The following RABEP1 variants were observed in gnomAD, a reference collection of about 807,000 sequenced individuals.
RABEP1 encodes rab GTPase-binding effector protein 1.
RABEP1 carries 51 observed loss-of-function variants against 123.4 expected under a neutral mutation model. That is an observed-to-expected ratio of 0.41 (90% CI 0.33 to 0.52). RABEP1 has a LOEUF of 0.52. Among genes scored for constraint, RABEP1 ranks in the 20% least tolerant of loss-of-function variants. The pLI is 0.16. For synonymous variants in RABEP1, 347 were observed against 355.2 expected, an observed-to-expected ratio of 0.98 and a Z score of 0.26; for missense variants, 888 against 996.3, an observed-to-expected ratio of 0.89 and a Z score of 1.46.
chr17:5,286,257 A>C (rs1425571431), intron 1 of RABEP1, among the ~76,000 whole-genome samples: 1 of 152,220 alleles, frequency 6.6e-6, no homozygotes, highest in Non-Finnish European at 1.5e-5. Flanking sequence ...GCACTTTGGG[A>C]GGCCAAGGCA....
chr17:5,378,805 C>A (rs3026106), intron 15 of RABEP1: 1 of 160,710 alleles, frequency 6.2e-6, no homozygotes, highest in Non-Finnish European at 1.3e-5. Flanking sequence ...CTCATTCAGA[C>A]CTCCAGTTCT....
intron 11 of RABEP1, among the ~76,000 whole-genome samples, chr17:5,365,940 T>C (rs1245183155): frequency 1.3e-5 from 2 of 152,234 alleles, no homozygotes; most frequent in Non-Finnish European, 2.9e-5. Flanking sequence ...TTTCAGTTGT[T>C]TCCAGTTCTG....
chr17:5,339,125 CAG>C (rs1907351218), intron 5 of RABEP1, among the ~76,000 whole-genome samples: 1 of 151,796 alleles, frequency 6.6e-6, no homozygotes, highest in South Asian at 2.1e-4. Flanking sequence ...GACTGGGTGA[CAG>C]AGTGAGACCC....
chr17:5,338,286 G>C, intron 5 of RABEP1, 148 bp downstream of exon 5: 3 of 1,049,606 alleles, frequency 2.9e-6, no homozygotes, highest in Non-Finnish European at 3.9e-6. Flanking sequence ...AAACTGCCGG[G>C]CGAGGTGGCT....
chr17:5,286,781 G>A (rs1453783593), intron 1 of RABEP1, among the ~76,000 whole-genome samples: 3 of 152,090 alleles, frequency 2.0e-5, no homozygotes, highest in Non-Finnish European at 2.9e-5. Flanking sequence ...TGGGAGAAAC[G>A]GATATTAAAC....
chr17:5,353,275 C>G (rs1908724665), intron 7 of RABEP1, among the ~76,000 whole-genome samples: 1 of 152,206 alleles, frequency 6.6e-6, no homozygotes, highest in Non-Finnish European at 1.5e-5. Context: ...GGCAAACTTA[C>G]CTTACTGATC....
At chr17:5,382,190 TCCTGCCTCATCCTC>T (rs960293220) in intron 17 of RABEP1, among the ~76,000 whole-genome samples, 1 of 151,514 alleles carries the variant, frequency 6.6e-6, no homozygotes, top group African/African-American at 2.4e-5. Context: ...CCAGCGATTC[TCCTGCCTCATCCTC>T]CTGGGTAGCT....
chr17:5,316,914 TTA>T (rs1251626674), intron 2 of RABEP1, among the ~76,000 whole-genome samples: 2 of 152,030 alleles, frequency 1.3e-5, no homozygotes, highest in Admixed American at 1.3e-4. Context: ...TTTTTAATGT[TTA>T]TCTTTTGAGA....
At chr17:5,376,007 G>C (rs1023437287) in intron 13 of RABEP1, among the ~76,000 whole-genome samples, 2 of 152,058 alleles carry the variant, frequency 1.3e-5, no homozygotes, top group Non-Finnish European at 2.9e-5. Flanking sequence ...TGAGTAGCTG[G>C]GACTACAGGT....
Position 5,373,693 on chromosome 17 carries a change from A to AACACACACACACACAC in RABEP1, c.2025+268_2025+283dup, listed in dbSNP as rs55736303. Among the ~76,000 whole-genome samples, 502 of 135,320 alleles carry AACACACACACACACAC rather than the reference A, an allele frequency of 3.7e-3. 10 individuals carry two copies. The highest frequency in any genetic ancestry group is 5.7e-3 in the Non-Finnish European group (357 of 62,526). The allele number at this position is 135,320 out of a possible 152,430, so 88.8% of individuals were successfully genotyped here. ...CCCTGTGACCCGACTACACCAGCTA[A>AACACACACACACACAC]ACACACACACACACACACACACACA... On this transcript the variant is annotated intron_variant, in intron 13 of 17. Transcript: ENST00000537505.
intron 11 of RABEP1, among the ~76,000 whole-genome samples, chr17:5,367,548 C>T (rs575934160): frequency 1.1e-4 from 16 of 151,098 alleles, no homozygotes; most frequent in East Asian, 2.0e-4. Context: ...GGATTACAGG[C>T]GTGAGTCACC....
At chr17:5,342,652 A>T (rs1434472336) in intron 5 of RABEP1, among the ~76,000 whole-genome samples, 4 of 152,198 alleles carry the variant, frequency 2.6e-5, no homozygotes, top group Admixed American at 2.0e-4. Context: ...CCAAATTTTT[A>T]AATTTTACTT....
rs138649074 is a variant in RABEP1, at chr17:5,348,169, G to A, written c.784+1244G>A. On this transcript the variant is annotated intron_variant, in intron 6 of 17. Coordinates refer to ENST00000537505, the MANE Select transcript of RABEP1 (RefSeq NM_004703.6). ...ATTTTGTATTTTTAGTAGAGATGGG[G>A]TGTTTCTCCGTGTTGGTCAGGCTGG... is the stretch of plus-strand genomic sequence containing the variant. 2.1e-3 allele frequency among the ~76,000 whole-genome samples: 312 copies of A among 152,162 alleles called. 2 individuals carry two copies. Among genetic ancestry groups the A allele is most frequent in the Non-Finnish European group, 3.9e-3 (263 of 68,006 alleles).
rs575175509 is a variant in RABEP1, at chr17:5,383,709, T to C, written c.*486T>C. ...ATATTTTATATTAAAATATGAAGGT[T>C]TGAGAGCAGGCCATTGGCTACTGAC... is the stretch of plus-strand genomic sequence containing the variant. On this transcript the variant is annotated 3_prime_UTR_variant, in exon 18 of 18. Coordinates refer to ENST00000537505, the MANE Select transcript of RABEP1 (RefSeq NM_004703.6). 2.6e-5 allele frequency: 6 copies of C among 230,052 alleles called. No homozygotes were observed. Among genetic ancestry groups the C allele is most frequent in the South Asian group, 1.8e-4 (1 of 5,588 alleles). 14.3% of individuals were successfully genotyped at this position (230,052 alleles called of 1,614,324 possible). A position where few individuals can be genotyped will look rare whatever the true frequency, so the allele number is the denominator to read the frequency against.
intron 15 of RABEP1, among the ~76,000 whole-genome samples, chr17:5,379,975 C>T (rs1911315597): frequency 6.6e-6 from 1 of 152,162 alleles, no homozygotes; most frequent in Admixed American, 6.5e-5. Flanking sequence ...CCATCCATTC[C>T]CTCTTATTGG....
intron 2 of RABEP1, among the ~76,000 whole-genome samples, chr17:5,325,883 A>T (rs1353112972): frequency 6.6e-6 from 1 of 152,210 alleles, no homozygotes. Flanking sequence ...CACATTACCA[A>T]ATGGGCAGAA....
intron 7 of RABEP1, among the ~76,000 whole-genome samples, chr17:5,353,367 T>C (rs974694104): frequency 6.6e-6 from 1 of 152,362 alleles, no homozygotes; most frequent in African/African-American, 2.4e-5. Context: ...GTTTTTCTCC[T>C]TCTTTAGAAC....
chr17:5,354,483 A>G lies in RABEP1; in HGVS notation c.1088A>G (p.Asn363Ser), dbSNP rs1304006421. 2.5e-6 allele frequency: 4 copies of G among 1,610,494 alleles called. No homozygotes were observed. Among genetic ancestry groups the G allele is most frequent in the East Asian group, 2.2e-5 (1 of 44,714 alleles). Residue 363 changes from asparagine (N) to serine (S), a missense_variant, in exon 8 of 18, where the codon AAT (asparagine) becomes AGT (serine). Asn to Ser is a conservative substitution (Grantham distance 46). Coordinates refer to ENST00000537505, the MANE Select transcript of RABEP1 (RefSeq NM_004703.6). Reference protein sequence around the residue: ...TQEESSAQLSNEEEHLDSTRG... With the variant: ...TQEESSAQLSSEEEHLDSTRG... ...GAAGAATCTTCAGCCCAGTTATCAA[A>G]TGAAGAGGTATAGTGAGTCTATAAT...
chr17:5,283,538 A>G (rs548488959), intron 1 of RABEP1, among the ~76,000 whole-genome samples: 1 of 152,242 alleles, frequency 6.6e-6, no homozygotes, highest in South Asian at 2.1e-4. Flanking sequence ...TCTAGTTGTG[A>G]AAGTACTTTC....
Sources: allele counts gnomAD v4.1 joint callset (sites outside exome capture counted in the v4.1 genomes callset), GRCh38; gene constraint gnomAD v4.1.1; transcripts MANE v1.5; gene names NCBI Gene and HGNC (gene_info 2026-07-23, HGNC 2026-07-21).